The following PTBP3 variants were observed in gnomAD, a reference collection of about 807,000 sequenced individuals.
PTBP3 encodes polypyrimidine tract-binding protein 3.
PTBP3 carries 20 observed loss-of-function variants against 58.7 expected under a neutral mutation model. The ratio of observed to expected loss-of-function variants is 0.34; its 90% CI spans 0.24 to 0.50. The LOEUF is 0.50. PTBP3 is among the 20% of genes least tolerant of loss of function. PTBP3 has a pLI of 0.98. For synonymous variants in PTBP3, 185 were observed against 219.8 expected (o/e 0.84, Z 1.40); for missense variants, 509 against 637.2 (o/e 0.80, Z 2.17).
chr9:112,284,237 CCACA>C (rs1828005743), intron 2 of PTBP3, among the ~76,000 whole-genome samples: 1 of 151,806 alleles, frequency 6.6e-6, no homozygotes. Flanking sequence ...CCTGGAAAAG[CCACA>C]GGTACTCAAC....
intron 12 of PTBP3, among the ~76,000 whole-genome samples, chr9:112,227,069 T>C (rs559343205): frequency 1.3e-5 from 2 of 152,370 alleles, no homozygotes; most frequent in East Asian, 1.9e-4. Context: ...TTTTGTCATA[T>C]TGGTTAACGT....
At chr9:112,361,863 G>A in the PTBP3 span, among the ~76,000 whole-genome samples, 6 of 152,286 alleles carry the variant, frequency 3.9e-5, no homozygotes, top group South Asian at 2.1e-4. Context: ...CACCAGTAAC[G>A]TATGAGGGTT....
At chr9:112,302,793 T>C (rs1829001519) in intron 1 of PTBP3, among the ~76,000 whole-genome samples, 1 of 152,084 alleles carries the variant, frequency 6.6e-6, no homozygotes, top group Non-Finnish European at 1.5e-5. Flanking sequence ...TTTCACCCTG[T>C]TGGTCAGGCT....
intron 7 of PTBP3, among the ~76,000 whole-genome samples, chr9:112,245,808 A>C (rs754382197): frequency 6.6e-6 from 1 of 152,102 alleles, no homozygotes; most frequent in Middle Eastern, 3.2e-3. Flanking sequence ...TGGCCAAATC[A>C]GGGGTAATTT....
At chr9:112,372,943 G>A in the PTBP3 span, among the ~76,000 whole-genome samples, 1 of 148,620 alleles carries the variant, frequency 6.7e-6, no homozygotes, top group Non-Finnish European at 1.5e-5. Flanking sequence ...TTGTTGCCCA[G>A]GCTGGAATGC....
the PTBP3 span, among the ~76,000 whole-genome samples, chr9:112,345,294 T>C: frequency 7.0e-6 from 1 of 142,042 alleles, no homozygotes; most frequent in African/African-American, 2.7e-5. Context: ...GTTGTGATTG[T>C]GTGCCATTGT....
chr9:112,303,612 T>A (rs1466294879), intron 1 of PTBP3, among the ~76,000 whole-genome samples: 3 of 152,256 alleles, frequency 2.0e-5, no homozygotes, highest in African/African-American at 2.4e-5. Context: ...ACGCCTGTAA[T>A]CCCAGCACTT....
At chr9:112,262,371 A>C in intron 5 of PTBP3, 64 bp downstream of exon 5, 2 of 1,355,930 alleles carry the variant, frequency 1.5e-6, no homozygotes, top group Non-Finnish European at 2.0e-6. Flanking sequence ...TTAGATATAA[A>C]ACATCAAAAG....
At chr9:112,341,975 T>TGG in the PTBP3 span, among the ~76,000 whole-genome samples, 33 of 152,276 alleles carry the variant, frequency 2.2e-4, no homozygotes, top group Non-Finnish European at 4.3e-4. Flanking sequence ...GTGAGGGTGT[T>TGG]TCTGGAAGAG....
chr9:112,220,893 G>T lies in PTBP3; in HGVS notation c.*2958C>A. The T allele has an allele frequency of 2.1e-6, 2 of 969,770 alleles. No individual in the cohort carries two copies. The highest frequency in any genetic ancestry group is 2.5e-6 in the Non-Finnish European group (2 of 815,844). The allele number at this position is 969,770 out of a possible 1,614,324, so 60.1% of individuals were successfully genotyped here. ...AAAAATAAAATAAACTTAAAAATAGGATACTACGGTAGATCAACAGAGAAA... is the reference window on the plus strand; with the variant it reads ...AAAAATAAAATAAACTTAAAAATAGTATACTACGGTAGATCAACAGAGAAA... On this transcript the variant is annotated 3_prime_UTR_variant, in exon 14 of 14. Coordinates refer to ENST00000374257, the MANE Select transcript of PTBP3 (RefSeq NM_001163788.4).
chr9:112,284,626 G>A (rs1828026733), intron 2 of PTBP3, among the ~76,000 whole-genome samples: 2 of 152,190 alleles, frequency 1.3e-5, no homozygotes, highest in Non-Finnish European at 2.9e-5. Context: ...AACCTAGGAG[G>A]CGTAGGCTGC....
chr9:112,261,071 G>A (rs916311059), intron 5 of PTBP3, among the ~76,000 whole-genome samples: 4 of 152,108 alleles, frequency 2.6e-5, no homozygotes, highest in African/African-American at 4.8e-5. Context: ...TAGCAACCCC[G>A]GAACAAACAC....
chr9:112,283,673 T>C lies in PTBP3; in HGVS notation c.35-7660A>G, dbSNP rs12236189. ...TGCAGAAATATGCATAAGTAACCAG[T>C]AGTCAAATGTTAATTGCCAAGACGA... On this transcript the variant is annotated intron_variant, in intron 2 of 13. Coordinates refer to ENST00000374257, the MANE Select transcript of PTBP3 (RefSeq NM_001163788.4). Among the ~76,000 whole-genome samples the C allele has an allele frequency of 1.6e-3, 251 of 152,336 alleles. 5 individuals are homozygous for C. In the East Asian group the frequency reaches 0.031, roughly 19 times the overall value.
chr9:112,225,855 T>C (rs1315881315), intron 12 of PTBP3, among the ~76,000 whole-genome samples: 2 of 152,050 alleles, frequency 1.3e-5, no homozygotes, highest in African/African-American at 4.8e-5. Context: ...GAGATCTGCC[T>C]GGGCAAATGG....
intron 1 of PTBP3, chr9:112,298,688 A>C (rs1828795627): frequency 2.9e-6 from 1 of 340,800 alleles, no homozygotes; most frequent in South Asian, 2.5e-5. Context: ...ATTAATCCCC[A>C]AACAATCCTA....
chr9:112,361,107 G>GT, the PTBP3 span, among the ~76,000 whole-genome samples: 1 of 151,420 alleles, frequency 6.6e-6, no homozygotes, highest in Non-Finnish European at 1.5e-5. Flanking sequence ...TTTATTTTTT[G>GT]TTTTTTTGAG....
intron 7 of PTBP3, among the ~76,000 whole-genome samples, chr9:112,238,509 A>G (rs910908047): frequency 6.6e-6 from 1 of 152,236 alleles, no homozygotes; most frequent in African/African-American, 2.4e-5. Context: ...AAGGGGGAAT[A>G]TATGAAAGGA....
chr9:112,313,786 T>C (rs903616598), intron 1 of PTBP3, among the ~76,000 whole-genome samples: 2 of 152,240 alleles, frequency 1.3e-5, no homozygotes, highest in African/African-American at 2.4e-5. Flanking sequence ...TCGCCATTTG[T>C]TGTCTTTGGC....
At chr9:112,376,186 C>T in the PTBP3 span, among the ~76,000 whole-genome samples, 3 of 89,058 alleles carry the variant, frequency 3.4e-5, no homozygotes, top group African/African-American at 5.6e-5. Context: ...TATCCTATTA[C>T]TTCCTTATAT....
Sources: allele counts gnomAD v4.1 joint callset (sites outside exome capture counted in the v4.1 genomes callset), GRCh38; gene constraint gnomAD v4.1.1; transcripts MANE v1.5; gene names NCBI Gene and HGNC (gene_info 2026-07-23, HGNC 2026-07-21).